The following SMYD3 variants were observed in gnomAD, a reference collection of about 807,000 sequenced individuals.
SMYD3 encodes SET and MYND domain containing 3.
A neutral mutation model predicts 57.7 loss-of-function variants in SMYD3; 36 were observed. The observed-to-expected ratio is 0.62, with a 90% CI of 0.48 to 0.82. The LOEUF (loss-of-function observed/expected upper bound fraction) is 0.82. SMYD3 is among the 40% of genes least tolerant of loss of function. SMYD3 has a pLI of 0.00. For missense variants in SMYD3, 515 were observed against 538.8 expected, an observed-to-expected ratio of 0.96 and a Z score of 0.44; for synonymous variants, 211 against 195.0, an observed-to-expected ratio of 1.08 and a Z score of -0.68.
intron 2 of SMYD3, 39 bp downstream of exon 2, chr1:246,354,992 A>C (rs776889835): frequency 1.9e-6 from 3 of 1,592,160 alleles, no homozygotes; most frequent in Non-Finnish European, 2.6e-6. Flanking sequence ...AGAGTAAAGA[A>C]TTTGAAAGCT....
chr1:246,033,534 C>G (rs2059716033), intron 5 of SMYD3, among the ~76,000 whole-genome samples: 1 of 152,148 alleles, frequency 6.6e-6, no homozygotes, highest in African/African-American at 2.4e-5. Flanking sequence ...ACCTGTAATC[C>G]CAGCACTTTG....
intron 5 of SMYD3, among the ~76,000 whole-genome samples, chr1:246,105,344 T>A (rs979971053): frequency 6.6e-6 from 1 of 151,102 alleles, no homozygotes; most frequent in Admixed American, 6.6e-5. Flanking sequence ...AATTTTCCTG[T>A]TGAGGATTAG....
intron 1 of SMYD3, among the ~76,000 whole-genome samples, chr1:246,494,340 T>C (rs2068324128): frequency 1.3e-5 from 2 of 152,254 alleles, no homozygotes; most frequent in Admixed American, 1.3e-4. Context: ...CTCTACCACT[T>C]ATTTCACTGG....
At chr1:246,000,035 T>A (rs1220575778) in intron 5 of SMYD3, among the ~76,000 whole-genome samples, 1 of 152,222 alleles carries the variant, frequency 6.6e-6, no homozygotes, top group Non-Finnish European at 1.5e-5. Context: ...CTAAATGAGA[T>A]AGGCTATGAC....
intron 5 of SMYD3, among the ~76,000 whole-genome samples, chr1:246,302,306 ATGT>A (rs1189391490): frequency 6.6e-6 from 1 of 152,100 alleles, no homozygotes. Context: ...GACCCTAATA[ATGT>A]TGTTTGAGCC....
chr1:246,045,642 A>G (rs11484979), intron 5 of SMYD3, among the ~76,000 whole-genome samples: 2 of 152,220 alleles, frequency 1.3e-5, no homozygotes, highest in African/African-American at 2.4e-5. Flanking sequence ...GGATCTAATT[A>G]AACTAAAGAG....
At chr1:246,471,475 G>A (rs2067961609) in intron 1 of SMYD3, among the ~76,000 whole-genome samples, 1 of 152,216 alleles carries the variant, frequency 6.6e-6, no homozygotes, top group African/African-American at 2.4e-5. Context: ...GGGATTACAG[G>A]TGTGAGCCAC....
intron 5 of SMYD3, among the ~76,000 whole-genome samples, chr1:245,952,322 A>G (rs2057683966): frequency 6.6e-6 from 1 of 152,192 alleles, no homozygotes; most frequent in Admixed American, 6.5e-5. Flanking sequence ...AAGGCATGAA[A>G]AGAAAAGGAT....
At chr1:246,052,687 A>G (rs550352442) in intron 5 of SMYD3, 1 of 152,354 alleles carries the variant, frequency 6.6e-6, no homozygotes, top group African/African-American at 2.4e-5. Flanking sequence ...TATCTTGACT[A>G]CTAGAGACTA....
At chr1:246,464,206 G>A (rs1385101253) in intron 1 of SMYD3, among the ~76,000 whole-genome samples, 2 of 152,076 alleles carry the variant, frequency 1.3e-5, no homozygotes, top group Admixed American at 6.6e-5. Context: ...AGTAGAGAGA[G>A]AAAAAGGTTT....
At chr1:245,950,862 C>T (rs1461023340) in intron 5 of SMYD3, among the ~76,000 whole-genome samples, 1 of 152,144 alleles carries the variant, frequency 6.6e-6, no homozygotes, top group African/African-American at 2.4e-5. Flanking sequence ...TTCTTTTTCA[C>T]CTATCACACC....
At chr1:245,891,797 G>A (rs9287197) in intron 8 of SMYD3, among the ~76,000 whole-genome samples, 1 of 152,236 alleles carries the variant, frequency 6.6e-6, no homozygotes, top group African/African-American at 2.4e-5. Flanking sequence ...AATCCCAACA[G>A]TTTGGGAGGC....
intron 5 of SMYD3, among the ~76,000 whole-genome samples, chr1:246,022,078 G>A (rs776220911): frequency 3.9e-5 from 6 of 152,140 alleles, no homozygotes; most frequent in Admixed American, 1.3e-4. Flanking sequence ...GTGGTCCTTC[G>A]TTAAACAAAT....
chr1:246,411,529 T>A (rs1264134163), intron 1 of SMYD3, among the ~76,000 whole-genome samples: 2 of 152,176 alleles, frequency 1.3e-5, no homozygotes, highest in Admixed American at 1.3e-4. Flanking sequence ...CGCACACATA[T>A]GTTTATTGTG....
intron 5 of SMYD3, among the ~76,000 whole-genome samples, chr1:246,212,060 TA>T (rs2063097916): frequency 6.6e-6 from 1 of 152,148 alleles, no homozygotes. Flanking sequence ...CAAAAGCTTT[TA>T]TTTTTTTAAA....
chr1:246,059,031 T>A (rs10924474), intron 5 of SMYD3, among the ~76,000 whole-genome samples: 1 of 151,772 alleles, frequency 6.6e-6, no homozygotes, highest in Non-Finnish European at 1.5e-5. Flanking sequence ...TCCGCCACCA[T>A]GCCCGGCTAA....
intron 5 of SMYD3, among the ~76,000 whole-genome samples, chr1:245,973,779 A>G (rs1318760428): frequency 6.6e-6 from 1 of 152,208 alleles, no homozygotes; most frequent in Non-Finnish European, 1.5e-5. Context: ...GATCGGCACG[A>G]GGAAATCTAC....
chr1:246,298,765 T>C (rs1469934316), intron 5 of SMYD3, among the ~76,000 whole-genome samples: 1 of 152,076 alleles, frequency 6.6e-6, no homozygotes, highest in African/African-American at 2.4e-5. Context: ...AATGTCTAGG[T>C]CTGCCTAGAA....
intron 5 of SMYD3, among the ~76,000 whole-genome samples, chr1:246,323,771 C>A (rs2065289337): frequency 6.6e-6 from 1 of 152,000 alleles, no homozygotes; most frequent in Non-Finnish European, 1.5e-5. Context: ...ACTAGACCTG[C>A]AAATAAATAA....
Sources: allele counts gnomAD v4.1 joint callset (sites outside exome capture counted in the v4.1 genomes callset), GRCh38; gene constraint gnomAD v4.1.1; transcripts MANE v1.5; gene names NCBI Gene and HGNC (gene_info 2026-07-23, HGNC 2026-07-21).